The following CNTNAP2 variants were observed in gnomAD, a reference collection of about 807,000 sequenced individuals.
CNTNAP2 encodes contactin-associated protein-like 2.
In CNTNAP2, 98 loss-of-function variants were observed where a neutral mutation model predicts 155.2. That is an observed-to-expected ratio of 0.63 (90% CI 0.54 to 0.75). The LOEUF (loss-of-function observed/expected upper bound fraction) is 0.75, where lower values mean the gene tolerates loss of function less well. CNTNAP2 is among the 30% of genes least tolerant of loss of function. The probability of loss-of-function intolerance (pLI) is 0.00; values close to 1 mark genes in which losing one functional copy is unlikely to be tolerated. For synonymous variants in CNTNAP2, 651 were observed against 631.2 expected, an observed-to-expected ratio of 1.03 and a Z score of -0.47; for missense variants, 1,727 against 1,688.1, an observed-to-expected ratio of 1.02 and a Z score of -0.40.
intron 1 of CNTNAP2, among the ~76,000 whole-genome samples, chr7:146,358,282 C>T (rs548186926): frequency 4.6e-5 from 7 of 152,244 alleles, no homozygotes; most frequent in South Asian, 2.1e-4. Flanking sequence ...GATCCACCCT[C>T]CTCAGCCTCC....
chr7:146,388,007 AGTGT>A (rs142522965), intron 1 of CNTNAP2, among the ~76,000 whole-genome samples: 4 of 147,326 alleles, frequency 2.7e-5, no homozygotes, highest in African/African-American at 7.4e-5. Flanking sequence ...TGTGTGCATG[AGTGT>A]GTGTGTGTGT....
Position 147,172,176 on chromosome 7 carries a change from A to G in CNTNAP2, c.1348+39667A>G, listed in dbSNP as rs137975190. 7.9e-4 allele frequency among the ~76,000 whole-genome samples: 121 copies of G among 152,254 alleles called. No homozygotes were observed. The East Asian group carries it at 0.021, about 27-fold the overall frequency. Reference sequence around the variant, plus strand: ...GATGACTATTTAATGCATACCAATAATAGCTTTATTTTTGTTATGTCTGGG... The same window carrying G: ...GATGACTATTTAATGCATACCAATAGTAGCTTTATTTTTGTTATGTCTGGG... On this transcript the variant is annotated intron_variant, in intron 8 of 23. Coordinates refer to ENST00000361727, the MANE Select transcript of CNTNAP2 (RefSeq NM_014141.6).
At chr7:146,811,018 C>T (rs1322286822) in intron 2 of CNTNAP2, among the ~76,000 whole-genome samples, 1 of 152,036 alleles carries the variant, frequency 6.6e-6, no homozygotes, top group Non-Finnish European at 1.5e-5. Flanking sequence ...TTTAAATGAA[C>T]TGTTTAGTTC....
chr7:146,483,322 T>TATAC (rs1563101809), intron 1 of CNTNAP2, among the ~76,000 whole-genome samples: 3 of 85,232 alleles, frequency 3.5e-5, no homozygotes, highest in African/African-American at 1.3e-4. Context: ...TATATATATA[T>TATAC]ATATATACAT....
chr7:146,452,530 A>C (rs1796499086), intron 1 of CNTNAP2, among the ~76,000 whole-genome samples: 1 of 152,192 alleles, frequency 6.6e-6, no homozygotes, highest in African/African-American at 2.4e-5. Context: ...GAAACTTCTC[A>C]GTTATATTTT....
chr7:146,810,441 G>GAGC (rs1803044873), intron 2 of CNTNAP2, among the ~76,000 whole-genome samples: 1 of 151,224 alleles, frequency 6.6e-6, no homozygotes, highest in African/African-American at 2.4e-5. Flanking sequence ...TTATTGTTTA[G>GAGC]ATGCTATTAT....
intron 15 of CNTNAP2, among the ~76,000 whole-genome samples, chr7:148,014,710 T>G (rs928845075): frequency 1.3e-5 from 2 of 152,206 alleles, no homozygotes; most frequent in Non-Finnish European, 2.9e-5. Flanking sequence ...AGTGAATCAC[T>G]GAGAATCCAC....
intron 1 of CNTNAP2, among the ~76,000 whole-genome samples, chr7:146,386,926 G>A (rs1041466636): frequency 3.9e-5 from 6 of 152,004 alleles, no homozygotes; most frequent in African/African-American, 1.5e-4. Flanking sequence ...TGAGATAGAG[G>A]GAAGACTGGA....
chr7:147,341,378 G>A (rs1795760189), intron 9 of CNTNAP2, among the ~76,000 whole-genome samples: 1 of 151,708 alleles, frequency 6.6e-6, no homozygotes, highest in Non-Finnish European at 1.5e-5. Flanking sequence ...CATGGCATGT[G>A]CATATCTATG....
chr7:146,619,703 C>T (rs1264104028), intron 1 of CNTNAP2, among the ~76,000 whole-genome samples: 1 of 152,104 alleles, frequency 6.6e-6, no homozygotes, highest in Non-Finnish European at 1.5e-5. Flanking sequence ...AAGGAGAGAT[C>T]ACATCATTCA....
chr7:146,867,148 T>A (rs936218345), intron 3 of CNTNAP2, among the ~76,000 whole-genome samples: 1 of 152,092 alleles, frequency 6.6e-6, no homozygotes, highest in African/African-American at 2.4e-5. Context: ...AATAGTTATC[T>A]TTTCTATTCT....
intron 21 of CNTNAP2, among the ~76,000 whole-genome samples, chr7:148,330,764 A>ATAG (rs1797980529): frequency 7.1e-6 from 1 of 140,426 alleles, no homozygotes; most frequent in Non-Finnish European, 1.5e-5. Context: ...GGACGGATGG[A>ATAG]ATGGACAGAT....
rs112461066 is a variant in CNTNAP2, at chr7:147,203,809, T to A, written c.1348+71300T>A. 4.3e-4 allele frequency among the ~76,000 whole-genome samples: 66 copies of A among 152,306 alleles called. 2 individuals are homozygous for A. Among genetic ancestry groups the A allele is most frequent in the African/African-American group, 1.5e-3 (61 of 41,586 alleles). On this transcript the variant is annotated intron_variant, in intron 8 of 23. Coordinates refer to ENST00000361727, the MANE Select transcript of CNTNAP2 (RefSeq NM_014141.6). Reference sequence around the variant, plus strand: ...TACCTGACACTGATAGTTGCAATGCTGTATCAAGAGTTTCCCTGATAAGCT... The same window carrying A: ...TACCTGACACTGATAGTTGCAATGCAGTATCAAGAGTTTCCCTGATAAGCT...
At chr7:148,326,780 G>A (rs1797897699) in intron 21 of CNTNAP2, among the ~76,000 whole-genome samples, 1 of 151,826 alleles carries the variant, frequency 6.6e-6, no homozygotes, top group Non-Finnish European at 1.5e-5. Flanking sequence ...CAGGAGAATG[G>A]CGTGAATCAG....
At chr7:146,777,460 T>C (rs578019323) in intron 2 of CNTNAP2, among the ~76,000 whole-genome samples, 21 of 152,186 alleles carry the variant, frequency 1.4e-4, no homozygotes, top group Non-Finnish European at 2.4e-4. Flanking sequence ...TTCACCCTTG[T>C]TGGCCACGTA....
intron 10 of CNTNAP2, among the ~76,000 whole-genome samples, chr7:147,458,272 G>GT (rs1379276973): frequency 9.2e-5 from 14 of 151,716 alleles, no homozygotes; most frequent in African/African-American, 2.9e-4. Context: ...CCATTTTTTG[G>GT]TGTTATAAAT....
At chr7:148,347,483 G>A (rs368015929) in intron 21 of CNTNAP2, among the ~76,000 whole-genome samples, 4 of 152,044 alleles carry the variant, frequency 2.6e-5, no homozygotes, top group African/African-American at 9.7e-5. Context: ...CCCCCCATCG[G>A]TGTCACCTAA....
At chr7:146,478,684 A>G (rs1796915185) in intron 1 of CNTNAP2, among the ~76,000 whole-genome samples, 1 of 152,062 alleles carries the variant, frequency 6.6e-6, no homozygotes, top group East Asian at 1.9e-4. Flanking sequence ...CTCTACACAC[A>G]TGTACACACA....
At chr7:146,649,271 A>G (rs916787646) in intron 1 of CNTNAP2, among the ~76,000 whole-genome samples, 4 of 152,104 alleles carry the variant, frequency 2.6e-5, no homozygotes, top group African/African-American at 7.2e-5. Flanking sequence ...ACCTGGAGCA[A>G]TAATAGAACC....
Sources: gnomAD v4.1 joint callset for allele counts (sites outside exome capture counted in the v4.1 genomes callset) on GRCh38, gnomAD v4.1.1 for gene constraint, MANE v1.5 for transcripts, NCBI Gene and HGNC (gene_info 2026-07-23, HGNC 2026-07-21) for gene names.